SPOPL: variants seen among roughly 807,000 people sequenced by gnomAD.
The protein encoded by SPOPL is speckle type BTB/POZ protein like.
In SPOPL, 23 loss-of-function variants were observed where a neutral mutation model predicts 53.8. The observed-to-expected ratio is 0.43, with a 90% CI of 0.31 to 0.61. SPOPL has a LOEUF of 0.61. Ranked by LOEUF, SPOPL falls within the 20% of genes least tolerant of loss-of-function variation. SPOPL has a pLI of 0.12. For missense variants in SPOPL, 442 were observed against 466.9 expected, an observed-to-expected ratio of 0.95 and a Z score of 0.49; for synonymous variants, 164 against 149.7, an observed-to-expected ratio of 1.10 and a Z score of -0.70.
intron 1 of SPOPL, among the ~76,000 whole-genome samples, chr2:138,529,531 TG>T (rs1684757131): frequency 1.1e-5 from 1 of 88,878 alleles, no homozygotes; most frequent in Non-Finnish European, 2.9e-5. Context: ...TGTGTGTGTG[TG>T]TGTTTGCGTG....
chr2:138,506,667 A>C (rs1684221228), intron 1 of SPOPL, among the ~76,000 whole-genome samples: 1 of 152,052 alleles, frequency 6.6e-6, no homozygotes, highest in South Asian at 2.1e-4. Flanking sequence ...GTTTCAGGGA[A>C]GGGGGAGGTA....
chr2:138,516,985 G>A (rs1431874461), intron 1 of SPOPL, among the ~76,000 whole-genome samples: 2 of 152,204 alleles, frequency 1.3e-5, no homozygotes, highest in African/African-American at 4.8e-5. Context: ...CTAGACAAAT[G>A]TGAAGTTGTG....
intron 1 of SPOPL, among the ~76,000 whole-genome samples, chr2:138,543,532 A>G (rs887621258): frequency 4.6e-5 from 7 of 152,090 alleles, no homozygotes; most frequent in Non-Finnish European, 1.0e-4. Flanking sequence ...CGCATTGGCT[A>G]CTGAGGCTTG....
At chr2:138,522,794 T>C (rs995597500) in intron 1 of SPOPL, among the ~76,000 whole-genome samples, 2 of 152,216 alleles carry the variant, frequency 1.3e-5, no homozygotes, top group Non-Finnish European at 2.9e-5. Flanking sequence ...GTACACATTT[T>C]AGTCAACTTT....
intron 1 of SPOPL, among the ~76,000 whole-genome samples, chr2:138,525,096 C>T (rs1684641083): frequency 6.6e-6 from 1 of 152,188 alleles, no homozygotes; most frequent in South Asian, 2.1e-4. Flanking sequence ...ATACCTGAGA[C>T]CAGGCAATTT....
chr2:138,512,882 A>T (rs1432438627), intron 1 of SPOPL, among the ~76,000 whole-genome samples: 14 of 152,218 alleles, frequency 9.2e-5, no homozygotes, highest in Admixed American at 9.2e-4. Context: ...GGATTTATTA[A>T]GTGTCTAGTC....
At chr2:138,505,881 T>A (rs1684206350) in intron 1 of SPOPL, among the ~76,000 whole-genome samples, 1 of 152,162 alleles carries the variant, frequency 6.6e-6, no homozygotes, top group African/African-American at 2.4e-5. Context: ...GAAATGACTT[T>A]TAGACAGAAA....
intron 2 of SPOPL, 90 bp from the exon 3 acceptor site, chr2:138,550,393 G>A: frequency 1.3e-6 from 2 of 1,584,148 alleles, no homozygotes; most frequent in South Asian, 2.2e-5. Context: ...TATTAGAAGT[G>A]TTAGAAGACT....
intron 1 of SPOPL, among the ~76,000 whole-genome samples, chr2:138,536,744 T>G (rs749883933): frequency 6.6e-6 from 1 of 152,184 alleles, no homozygotes; most frequent in Non-Finnish European, 1.5e-5. Flanking sequence ...CAGCCTCTAC[T>G]GTTTTTCAGA....
At chr2:138,544,047 G>A (rs549506680) in intron 1 of SPOPL, among the ~76,000 whole-genome samples, 6 of 152,270 alleles carry the variant, frequency 3.9e-5, no homozygotes, top group East Asian at 1.9e-4. Context: ...GCAGAACAGC[G>A]GATATTGGTG....
chr2:138,554,712 G>A (rs1685384816), intron 5 of SPOPL, among the ~76,000 whole-genome samples: 1 of 152,014 alleles, frequency 6.6e-6, no homozygotes, highest in Non-Finnish European at 1.5e-5. Context: ...CTAGAAAACT[G>A]GTTAGTTTAA....
At chr2:138,533,157 A>G (rs571775741) in intron 1 of SPOPL, among the ~76,000 whole-genome samples, 1 of 152,342 alleles carries the variant, frequency 6.6e-6, no homozygotes, top group Non-Finnish European at 1.5e-5. Flanking sequence ...ATGAGGTGCT[A>G]TAATAATTTA....
chr2:138,561,169 G>A (rs141057377), intron 8 of SPOPL, among the ~76,000 whole-genome samples: 104 of 152,112 alleles, frequency 6.8e-4, no homozygotes, highest in African/African-American at 2.3e-3. Flanking sequence ...AAACTCAGTC[G>A]TTTTGAGTGT....
chr2:138,550,205 A>G lies in SPOPL; in HGVS notation c.-12A>G, dbSNP rs1685283433. The G allele has an allele frequency of 6.2e-7, 1 of 1,612,690 alleles. No homozygotes were observed. The highest frequency in any genetic ancestry group is 1.1e-5 in the South Asian group (1 of 90,986). Reference sequence around the variant, plus strand: ...TACTACATAAATCCTGAAAGACTACAATAAAGTGGTGATGTCTCGGGAACC... The same window carrying G: ...TACTACATAAATCCTGAAAGACTACGATAAAGTGGTGATGTCTCGGGAACC... On this transcript the variant is annotated 5_prime_UTR_variant, in exon 2 of 11. Transcript: ENST00000280098.
At chr2:138,528,698 T>A (rs2104871072) in intron 1 of SPOPL, among the ~76,000 whole-genome samples, 1 of 152,316 alleles carries the variant, frequency 6.6e-6, no homozygotes, top group East Asian at 1.9e-4. Context: ...TAAGACAGTA[T>A]GACTCCCTTT....
chr2:138,508,919 G>A (rs115909702), intron 1 of SPOPL, among the ~76,000 whole-genome samples: 2,674 of 151,912 alleles, frequency 0.018, 75 homozygotes, highest in African/African-American at 0.062. Context: ...TTTTAGAGGC[G>A]TTTTATCTTT....
chr2:138,522,709 A>G (rs1458449837), intron 1 of SPOPL, among the ~76,000 whole-genome samples: 1 of 152,018 alleles, frequency 6.6e-6, no homozygotes, highest in Non-Finnish European at 1.5e-5. Flanking sequence ...AGTGGTGTCC[A>G]GCTCTGCCAC....
At chr2:138,531,442 A>G (rs1486977009) in intron 1 of SPOPL, among the ~76,000 whole-genome samples, 1 of 152,084 alleles carries the variant, frequency 6.6e-6, no homozygotes, top group Non-Finnish European at 1.5e-5. Flanking sequence ...TTCTACTTAT[A>G]TTTAAGCCCC....
At chr2:138,533,743 G>A (rs575183313) in intron 1 of SPOPL, among the ~76,000 whole-genome samples, 1 of 152,152 alleles carries the variant, frequency 6.6e-6, no homozygotes, top group African/African-American at 2.4e-5. Context: ...ACCTCAGGCA[G>A]TATTTTGTTA....
Sources: gnomAD v4.1 joint callset for allele counts (sites outside exome capture counted in the v4.1 genomes callset) on GRCh38, gnomAD v4.1.1 for gene constraint, MANE v1.5 for transcripts, NCBI Gene and HGNC (gene_info 2026-07-23, HGNC 2026-07-21) for gene names.